COL13A1: variants seen among roughly 807,000 people sequenced by gnomAD.
COL13A1 encodes the protein collagen type XIII alpha 1 chain.
COL13A1 carries 89 observed loss-of-function variants against 130.9 expected under a neutral mutation model. The ratio of observed to expected loss-of-function variants is 0.68; its 90% confidence interval spans 0.57 to 0.81. The LOEUF (loss-of-function observed/expected upper bound fraction) is 0.81. COL13A1 is among the 30% of genes least tolerant of loss of function. COL13A1 has a pLI of 0.00. For missense variants in COL13A1, 879 were observed against 934.6 expected, an observed-to-expected ratio of 0.94 and a Z score of 0.78; for synonymous variants, 402 against 341.6, an observed-to-expected ratio of 1.18 and a Z score of -1.95.
intron 1 of COL13A1, among the ~76,000 whole-genome samples, chr10:69,818,398 C>T (rs1468178016): frequency 6.6e-6 from 1 of 152,218 alleles, no homozygotes; most frequent in Non-Finnish European, 1.5e-5. Context: ...TGCTTAAAAC[C>T]TTTGAATGGT....
chr10:69,897,659 C>T, intron 13 of COL13A1: 1 of 1,053,802 alleles, frequency 9.5e-7, no homozygotes, highest in East Asian at 2.7e-5. Context: ...CACTGCTGTC[C>T]AAGAAGGCAG....
intron 38 of COL13A1, among the ~76,000 whole-genome samples, chr10:69,950,378 T>C (rs1256204316): frequency 1.3e-5 from 2 of 152,158 alleles, no homozygotes; most frequent in African/African-American, 4.8e-5. Flanking sequence ...TTTGGGGCAA[T>C]TGCACAGGTT....
intron 1 of COL13A1, among the ~76,000 whole-genome samples, chr10:69,805,135 G>A (rs1039834418): frequency 1.3e-5 from 2 of 152,134 alleles, no homozygotes; most frequent in Admixed American, 6.5e-5. Flanking sequence ...GGAGAGAGAC[G>A]GGCAGCCCAG....
intron 2 of COL13A1, among the ~76,000 whole-genome samples, chr10:69,836,000 C>T (rs962881975): frequency 1.3e-5 from 2 of 151,832 alleles, no homozygotes; most frequent in African/African-American, 4.8e-5. Flanking sequence ...GGGCCAAGGC[C>T]ACAGAGCTAG....
intron 35 of COL13A1, among the ~76,000 whole-genome samples, chr10:69,943,743 G>A (rs551471407): frequency 1.3e-5 from 2 of 152,172 alleles, no homozygotes; most frequent in East Asian, 1.9e-4. Flanking sequence ...AGACCCTCCC[G>A]CTGCATGTGG....
chr10:69,880,062 T>C (rs767447223), intron 6 of COL13A1, among the ~76,000 whole-genome samples: 15 of 152,080 alleles, frequency 9.9e-5, no homozygotes, highest in Middle Eastern at 3.2e-3. Context: ...CATCCTGGGC[T>C]GGGCCGGGGA....
chr10:69,947,496 G>A (rs1589716557), intron 38 of COL13A1, among the ~76,000 whole-genome samples, 154 bp downstream of exon 38: 2 of 152,130 alleles, frequency 1.3e-5, no homozygotes, highest in South Asian at 4.1e-4. Context: ...CTTAACCTGT[G>A]GCATGTAGGG....
intron 31 of COL13A1, among the ~76,000 whole-genome samples, chr10:69,933,163 A>C (rs866627707): frequency 5.4e-5 from 8 of 148,372 alleles, no homozygotes; most frequent in Admixed American, 6.7e-5. Flanking sequence ...AAAAAAAAAA[A>C]AAAACAGAAC....
At chr10:69,940,026 G>T (rs1186078136) in intron 34 of COL13A1, among the ~76,000 whole-genome samples, 3 of 152,128 alleles carry the variant, frequency 2.0e-5, no homozygotes, top group Non-Finnish European at 4.4e-5. Context: ...GAGTATTGCC[G>T]CTGCCTTCTC....
intron 2 of COL13A1, among the ~76,000 whole-genome samples, chr10:69,838,402 G>A (rs1850670519): frequency 6.6e-6 from 1 of 152,218 alleles, no homozygotes; most frequent in African/African-American, 2.4e-5. Context: ...ACATCTCTGA[G>A]CTGCAGCTTT....
chr10:69,896,766 C>T (rs553190171), intron 13 of COL13A1, among the ~76,000 whole-genome samples: 15 of 152,220 alleles, frequency 9.9e-5, no homozygotes, highest in South Asian at 4.2e-4. Flanking sequence ...GTGCTGGGCC[C>T]GGGCTGAGGA....
intron 1 of COL13A1, among the ~76,000 whole-genome samples, chr10:69,814,477 C>A (rs540539048): frequency 6.6e-6 from 1 of 152,316 alleles, no homozygotes; most frequent in Admixed American, 6.5e-5. Flanking sequence ...GTGGCCTTCA[C>A]CTGGCCACCA....
rs57098368 is a variant in COL13A1, at chr10:69,804,809, C to CAAAAAAAAAA, written c.294+2116_294+2125dup. ...AAATGGGCAGTGACCATGTCGTGTG[C>CAAAAAAAAAA]AAAAAAAAAAAAAAAAAAAAAAAAA... On this transcript the variant is annotated intron_variant, in intron 1 of 40. Coordinates refer to ENST00000645393, the MANE Select transcript of COL13A1 (RefSeq NM_001368882.1). Among the ~76,000 whole-genome samples, 55 of 75,388 alleles carry CAAAAAAAAAA rather than the reference C, an allele frequency of 7.3e-4. 2 individuals carry two copies. Among genetic ancestry groups the CAAAAAAAAAA allele is most frequent in the East Asian group, 1.7e-3 (4 of 2,312 alleles). The allele number at this position is 75,388 out of a possible 152,430, so 49.5% of individuals were successfully genotyped here.
At chr10:69,885,143 G>A (rs919725025) in intron 7 of COL13A1, among the ~76,000 whole-genome samples, 1 of 152,106 alleles carries the variant, frequency 6.6e-6, no homozygotes, top group African/African-American at 2.4e-5. Flanking sequence ...CTGAAACTGG[G>A]GAAGGCCCTT....
chr10:69,929,114 G>A (rs2065771013), intron 28 of COL13A1, 115 bp downstream of exon 28: 1 of 816,272 alleles, frequency 1.2e-6, no homozygotes. Context: ...CCCTCCTGCT[G>A]CTCCAAGGCA....
rs375914823 is a variant in COL13A1 at position 69,944,158 on chromosome 10, G to A, written c.1948G>A (p.Ala650Thr). ...AGGACCAATTGGAGTTCCAGGCCCA[G>A]CGGGACCAAAGGGCGAGAGGGTGAG... ...TPGPIGVPGP[A>T]GPKGERGSKG... The change falls in exon 36 of 41, where the codon GCG becomes ACG. Residue 650 changes from alanine to threonine, a missense_variant. Coordinates refer to ENST00000645393, the MANE Select transcript of COL13A1 (RefSeq NM_001368882.1). The A allele has an allele frequency of 3.5e-5, 57 of 1,613,770 alleles. No individual in the cohort carries two copies. Among genetic ancestry groups the A allele is most frequent in the Non-Finnish European group, 4.3e-5 (51 of 1,179,868 alleles).
intron 2 of COL13A1, among the ~76,000 whole-genome samples, chr10:69,834,728 G>A (rs936139536): frequency 6.6e-6 from 1 of 152,206 alleles, no homozygotes; most frequent in African/African-American, 2.4e-5. Flanking sequence ...AGGCAGAGCA[G>A]AAGGGGGGTA....
At chr10:69,843,077 T>C (rs1246964552) in intron 2 of COL13A1, among the ~76,000 whole-genome samples, 1 of 152,180 alleles carries the variant, frequency 6.6e-6, no homozygotes, top group Admixed American at 6.5e-5. Context: ...AGGCTGTCAG[T>C]GCTGGAGGGT....
intron 2 of COL13A1, among the ~76,000 whole-genome samples, chr10:69,841,821 C>A (rs61849207): frequency 0.028 from 4,256 of 152,238 alleles, 79 homozygotes; most frequent in Non-Finnish European, 0.046. Context: ...GGGCAGAGAC[C>A]CTGCAGTGGG....
Sources: gnomAD v4.1 joint callset for allele counts (sites outside exome capture counted in the v4.1 genomes callset) on GRCh38, gnomAD v4.1.1 for gene constraint, MANE v1.5 for transcripts, NCBI Gene and HGNC (gene_info 2026-07-23, HGNC 2026-07-21) for gene names.